The following TMIGD3 variants were observed in gnomAD, a reference collection of about 807,000 sequenced individuals.
The protein encoded by TMIGD3 is AD026 protein (AD026).
A neutral mutation model predicts 28.1 loss-of-function variants in TMIGD3; 21 were observed. The observed-to-expected ratio is 0.75, with a 90% CI of 0.53 to 1.08. The LOEUF (loss-of-function observed/expected upper bound fraction) is 1.08. TMIGD3 is among the 50% of genes least tolerant of loss of function. The pLI, the probability that TMIGD3 is intolerant of heterozygous loss-of-function variation, is 0.00. For missense variants in TMIGD3, 416 were observed against 435.6 expected, an observed-to-expected ratio of 0.96 and a Z score of 0.40; for synonymous variants, 151 against 162.1, an observed-to-expected ratio of 0.93 and a Z score of 0.52.
intron 1 of TMIGD3, among the ~76,000 whole-genome samples, chr1:111,523,460 G>A (rs1264348299): frequency 5.3e-5 from 8 of 151,650 alleles, no homozygotes; most frequent in Admixed American, 6.6e-5. Flanking sequence ...CTGTAATGTC[G>A]TCTGATTTCA....
At chr1:111,546,472 C>T (rs760350078) in intron 1 of TMIGD3, among the ~76,000 whole-genome samples, 4 of 152,108 alleles carry the variant, frequency 2.6e-5, no homozygotes, top group Non-Finnish European at 4.4e-5. Context: ...CTTTCTGTCT[C>T]TGTGAATTGG....
At chr1:111,499,084 T>C (rs1655023758) in intron 1 of TMIGD3, among the ~76,000 whole-genome samples, 1 of 112,674 alleles carries the variant, frequency 8.9e-6, no homozygotes, top group Non-Finnish European at 1.9e-5. Flanking sequence ...GAACGAGACC[T>C]TGTCTCAAAA....
At chr1:111,543,879 C>CAG (rs1656939451) in intron 1 of TMIGD3, among the ~76,000 whole-genome samples, 1 of 152,058 alleles carries the variant, frequency 6.6e-6, no homozygotes, top group Admixed American at 6.5e-5. Context: ...TGGGCCTTCT[C>CAG]AGAGAGAGAG....
chr1:111,541,469 A>G (rs1422578531), intron 1 of TMIGD3, among the ~76,000 whole-genome samples: 3 of 152,188 alleles, frequency 2.0e-5, no homozygotes, highest in Non-Finnish European at 4.4e-5. Context: ...GGCTAACTTT[A>G]AAAAGAAGCA....
At chr1:111,520,766 A>T (rs1259084088) in intron 1 of TMIGD3, among the ~76,000 whole-genome samples, 1 of 152,336 alleles carries the variant, frequency 6.6e-6, no homozygotes, top group East Asian at 1.9e-4. Context: ...TAGCAATGGT[A>T]TTTTTGTTTC....
intron 3 of TMIGD3, among the ~76,000 whole-genome samples, chr1:111,487,319 G>C (rs1375122653): frequency 6.6e-6 from 1 of 152,194 alleles, no homozygotes; most frequent in African/African-American, 2.4e-5. Flanking sequence ...CATTCCGTAG[G>C]ATGCTTGCTG....
At chr1:111,511,699 G>A (rs908377674) in intron 1 of TMIGD3, among the ~76,000 whole-genome samples, 15 of 76,324 alleles carry the variant, frequency 2.0e-4, no homozygotes, top group Admixed American at 9.1e-4. Flanking sequence ...ACACACACAC[G>A]TCCACATGCT....
At chr1:111,510,467 G>A (rs1655652760) in intron 1 of TMIGD3, among the ~76,000 whole-genome samples, 1 of 152,094 alleles carries the variant, frequency 6.6e-6, no homozygotes, top group African/African-American at 2.4e-5. Context: ...TAGAAAAGAG[G>A]TCGTTTTTCT....
At chr1:111,508,534 A>T (rs993375435), upstream of TMIGD3, among the ~76,000 whole-genome samples, 4 of 152,208 alleles carry the variant, frequency 2.6e-5, no homozygotes, top group African/African-American at 9.7e-5. Flanking sequence ...GAATCAAGGG[A>T]AGGCAAAGGG....
intron 1 of TMIGD3, among the ~76,000 whole-genome samples, chr1:111,497,787 G>C (rs1254723731): frequency 6.6e-6 from 1 of 152,222 alleles, no homozygotes; most frequent in African/African-American, 2.4e-5. Flanking sequence ...CTTGAGGGAA[G>C]TGGTCCATTT....
intron 1 of TMIGD3, among the ~76,000 whole-genome samples, chr1:111,527,511 T>C (rs1479525883): frequency 6.6e-6 from 1 of 152,228 alleles, no homozygotes; most frequent in Non-Finnish European, 1.5e-5. Context: ...TTCATCTCAT[T>C]TGGATAAATA....
chr1:111,524,689 G>A (rs375597514), intron 1 of TMIGD3, among the ~76,000 whole-genome samples: 167 of 152,100 alleles, frequency 1.1e-3, no homozygotes, highest in African/African-American at 3.8e-3. Context: ...GCATGATCTC[G>A]GCTTGCTGCA....
intron 1 of TMIGD3, among the ~76,000 whole-genome samples, chr1:111,497,713 A>G (rs1441502083): frequency 6.6e-6 from 1 of 152,218 alleles, no homozygotes; most frequent in Non-Finnish European, 1.5e-5. Flanking sequence ...AGAAAAAAGT[A>G]AAAGCAGTTC....
upstream of TMIGD3, among the ~76,000 whole-genome samples, chr1:111,508,197 C>CA (rs55635441): frequency 6.6e-6 from 1 of 152,242 alleles, no homozygotes; most frequent in East Asian, 1.9e-4. Flanking sequence ...CAGACCCCCC[C>CA]ACCCACACCG....
At chr1:111,562,491 G>A (rs2101049204) in intron 1 of TMIGD3, among the ~76,000 whole-genome samples, 1 of 152,262 alleles carries the variant, frequency 6.6e-6, no homozygotes, top group South Asian at 2.1e-4. Context: ...CAGATTTCCT[G>A]AACAAAAATC....
intron 1 of TMIGD3, among the ~76,000 whole-genome samples, chr1:111,524,028 CTTTTTTT>C (rs35046603): frequency 0.022 from 2,374 of 108,826 alleles, 73 homozygotes; most frequent in African/African-American, 0.075. Flanking sequence ...TCTTTCTTTT[CTTTTTTT>C]TTTTTTTTTT....
chr1:111,525,386 A>C (rs1051045115), intron 1 of TMIGD3, among the ~76,000 whole-genome samples: 1 of 152,194 alleles, frequency 6.6e-6, no homozygotes, highest in Non-Finnish European at 1.5e-5. Flanking sequence ...ACTAGGTCCT[A>C]TTGATGAATT....
At chr1:111,491,621 C>A (rs116720493) in intron 1 of TMIGD3, among the ~76,000 whole-genome samples, 103 of 152,298 alleles carry the variant, frequency 6.8e-4, no homozygotes, top group African/African-American at 2.4e-3. Flanking sequence ...AAGCAGCAAG[C>A]CTTCATGATG....
intron 1 of TMIGD3, among the ~76,000 whole-genome samples, chr1:111,538,148 G>A (rs938010261): frequency 1.3e-5 from 2 of 152,166 alleles, no homozygotes; most frequent in African/African-American, 4.8e-5. Flanking sequence ...ATGATGTGCA[G>A]AAAACCACAT....
Sources: gnomAD v4.1 joint callset for allele counts (sites outside exome capture counted in the v4.1 genomes callset) on GRCh38, gnomAD v4.1.1 for gene constraint, MANE v1.5 for transcripts, NCBI Gene and HGNC (gene_info 2026-07-23, HGNC 2026-07-21) for gene names.